The following ACSF2 variants were observed in gnomAD, a reference collection of about 807,000 sequenced individuals.
The protein encoded by ACSF2 is acyl-CoA synthetase family member 2.
ACSF2 carries 52 observed loss-of-function variants against 79.3 expected under a neutral mutation model. The ratio of observed to expected loss-of-function variants is 0.66; its 90% CI spans 0.53 to 0.83. The LOEUF (loss-of-function observed/expected upper bound fraction) is 0.83. Ranked by LOEUF, ACSF2 falls within the 40% of genes least tolerant of loss-of-function variation. ACSF2 has a pLI of 0.00. For missense variants in ACSF2, 661 were observed against 803.3 expected (o/e 0.82, Z 2.14); for synonymous variants, 283 against 312.6 (o/e 0.91, Z 1.00).
At chr17:50,445,144 G>T (rs2031213565) in intron 1 of ACSF2, among the ~76,000 whole-genome samples, 1 of 152,056 alleles carries the variant, frequency 6.6e-6, no homozygotes, top group South Asian at 2.1e-4. Context: ...TGAACTCCTG[G>T]ACTCAGGGAA....
At chr17:50,454,162 G>C (rs1242370915) in intron 1 of ACSF2, among the ~76,000 whole-genome samples, 1 of 144,548 alleles carries the variant, frequency 6.9e-6, no homozygotes, top group Non-Finnish European at 1.5e-5. Flanking sequence ...GAGTAAGACC[G>C]TCCCAAATTT....
chr17:50,458,868 C>A (rs949303035), intron 1 of ACSF2, among the ~76,000 whole-genome samples: 1 of 152,232 alleles, frequency 6.6e-6, no homozygotes, highest in African/African-American at 2.4e-5. Flanking sequence ...GGGATTCCCC[C>A]CACAGTCTGC....
chr17:50,436,434 T>C (rs2030429395), intron 1 of ACSF2, among the ~76,000 whole-genome samples: 1 of 151,138 alleles, frequency 6.6e-6, no homozygotes, highest in South Asian at 2.1e-4. Flanking sequence ...CGGCCTGTTG[T>C]TGTTATTATT....
rs767163859 is a variant in ACSF2 at position 50,471,094 on chromosome 17, CAG to C, written c.1284_1285del (p.Lys429GlyfsTer46). 21 of 1,614,054 alleles carry C rather than the reference CAG, an allele frequency of 1.3e-5. No homozygotes were observed. The highest frequency in any genetic ancestry group is 6.7e-5 in the Admixed American group (4 of 60,016). ...FAHFPEDTVE[Q>X]KAESVGRIMP... ...GCACTTCCCTGAGGACACTGTGGAG[CAG>C]AAGGCAGAAAGCGTGGGCAGAATTA... On this transcript the variant is annotated frameshift_variant, in exon 11 of 16. Transcript: ENST00000300441. LOFTEE classifies it high-confidence loss of function. The surrounding 1 kb of genome is among the most constrained non-coding windows in gnomAD (Gnocchi z 4.1).
At chr17:50,461,750 G>GA in intron 4 of ACSF2, 64 bp downstream of exon 4, 11 of 1,590,772 alleles carry the variant, frequency 6.9e-6, no homozygotes, top group Non-Finnish European at 8.6e-6. Context: ...CACAGACTCT[G>GA]CTTGTCAGAG....
At chr17:50,456,197 C>A (rs2031983312) in intron 1 of ACSF2, among the ~76,000 whole-genome samples, 1 of 152,160 alleles carries the variant, frequency 6.6e-6, no homozygotes, top group Non-Finnish European at 1.5e-5. Context: ...GTGCATTTAA[C>A]TTAGGGGTTG....
intron 12 of ACSF2, 49 bp downstream of exon 12, chr17:50,472,628 G>A (rs2033174496): frequency 6.4e-7 from 1 of 1,552,392 alleles, no homozygotes; most frequent in African/African-American, 1.4e-5. Flanking sequence ...GGGGAGGCTG[G>A]AGGTCTTGAG....
chr17:50,463,574 A>G lies in ACSF2; in HGVS notation c.1046+22A>G. The G allele has an allele frequency of 6.2e-7, 1 of 1,611,094 alleles. No homozygotes were observed. Among genetic ancestry groups the G allele is most frequent in the Non-Finnish European group, 8.5e-7 (1 of 1,178,248 alleles). ...AGAGGTGGGCACTGGTGGACAGGCT[A>G]CTTGTGGGCTGATAAAACCCTCTTC... On this transcript the variant is annotated intron_variant, in intron 8 of 15. Coordinates refer to ENST00000300441, the MANE Select transcript of ACSF2 (RefSeq NM_025149.6). The surrounding 1 kb of genome is among the most constrained non-coding windows in gnomAD (Gnocchi z 4.6).
chr17:50,445,854 C>A (rs564189712), intron 1 of ACSF2, among the ~76,000 whole-genome samples: 2 of 152,028 alleles, frequency 1.3e-5, no homozygotes, highest in East Asian at 3.9e-4. Context: ...CTTGCTGGAG[C>A]CTTGCATTCA....
chr17:50,438,019 G>A (rs2030574832), intron 1 of ACSF2, among the ~76,000 whole-genome samples: 1 of 152,128 alleles, frequency 6.6e-6, no homozygotes, highest in African/African-American at 2.4e-5. Flanking sequence ...ATGTTGTGCT[G>A]AAGCACATTT....
chr17:50,460,315 T>C, intron 1 of ACSF2: 3 of 468,520 alleles, frequency 6.4e-6, no homozygotes, highest in South Asian at 4.6e-5. Context: ...CAGTGACCTG[T>C]TTATTCTCCA....
chr17:50,463,852 G>A lies in ACSF2; in HGVS notation c.1081G>A (p.Val361Met), dbSNP rs757860734. The A allele has an allele frequency of 1.9e-6, 3 of 1,614,098 alleles. No individual in the cohort carries two copies. Among genetic ancestry groups the A allele is most frequent in the East Asian group, 4.5e-5 (2 of 44,878 alleles). ...CCTGTATGGTACCCCCACGATGTTC[G>A]TGGACATTCTGAACCAGCCAGACTT... is the stretch of plus-strand genomic sequence containing the variant. ...TFLYGTPTMF[V>M]DILNQPDFSS... Residue 361 changes from valine to methionine, a missense_variant, in exon 9 of 16, where the codon GTG (valine) becomes ATG (methionine). Coordinates refer to ENST00000300441, the MANE Select transcript of ACSF2 (RefSeq NM_025149.6). This position sits in a 1 kb window ranked among gnomAD's most constrained non-coding sequence, Gnocchi z 4.6.
intron 10 of ACSF2, chr17:50,465,719 C>T (rs757447725): frequency 6.2e-6 from 10 of 1,613,060 alleles, no homozygotes; most frequent in South Asian, 3.3e-5. Context: ...CCGAAGGCCC[C>T]GGAGCTGGCA....
Position 50,462,449 on chromosome 17 carries a change from T to A in ACSF2, c.656T>A (p.Val219Glu), listed in dbSNP as rs2032403697. The change falls in exon 6 of 16, where the codon GTG becomes GAG. Residue 219 changes from valine (V) to glutamate (E), a missense_variant. Coordinates refer to ENST00000300441, the MANE Select transcript of ACSF2 (RefSeq NM_025149.6). The stretch of plus-strand genomic sequence containing the variant: ...CCAGATCTGACCACAGTCATCTCGG[T>A]GGATGCCCCTTTGCCGGGGACCCTG... ...RLPDLTTVISVDAPLPGTLLL... is the reference protein window; with the variant it reads ...RLPDLTTVISEDAPLPGTLLL... 1.2e-6 allele frequency: 2 copies of A among 1,613,446 alleles called. No individual in the cohort carries two copies. Among genetic ancestry groups the A allele is most frequent in the Non-Finnish European group, 8.5e-7 (1 of 1,179,826 alleles).
intron 1 of ACSF2, among the ~76,000 whole-genome samples, chr17:50,447,746 C>T (rs531633434): frequency 1.1e-3 from 173 of 152,182 alleles, no homozygotes; most frequent in Admixed American, 3.9e-3. Flanking sequence ...CTGTTAGAAT[C>T]CAATTATTAA....
chr17:50,470,991 C>G, intron 10 of ACSF2, 37 bp from the exon 11 acceptor site: 5 of 1,497,062 alleles, frequency 3.3e-6, no homozygotes, highest in Non-Finnish European at 4.7e-6. Context: ...TCTGCACGTG[C>G]TGAGCCCTCT....
At chr17:50,468,186 A>G in intron 10 of ACSF2, 1 of 1,614,088 alleles carries the variant, frequency 6.2e-7, no homozygotes, top group Non-Finnish European at 8.5e-7. Flanking sequence ...GCTGAGGGGT[A>G]GCTGGACAGC....
In ACSF2 at chr17:50,471,219, TGA is replaced by T; in HGVS notation, c.1323+90_1323+91del. On this transcript the variant is annotated intron_variant, in intron 11 of 15. Transcript: ENST00000300441. The surrounding 1 kb of genome is among the most constrained non-coding windows in gnomAD (Gnocchi z 4.1). ...CAGCTGGGACATCGGTTGCTTTCAG[TGA>T]GAGAGTCAAATGGCTCACTCAGGAT... 1 of 1,171,518 alleles carries T rather than the reference TGA, an allele frequency of 8.5e-7. No homozygotes were observed. The highest frequency in any genetic ancestry group is 1.8e-5 in the Admixed American group (1 of 55,216). 72.6% of individuals were successfully genotyped at this position (1,171,518 alleles called of 1,614,324 possible). A position where few individuals can be genotyped will look rare whatever the true frequency, so the allele number is the denominator to read the frequency against.
At chr17:50,449,879 C>T (rs1157795243) in intron 1 of ACSF2, among the ~76,000 whole-genome samples, 1 of 152,078 alleles carries the variant, frequency 6.6e-6, no homozygotes, top group African/African-American at 2.4e-5. Flanking sequence ...TTCATCTTTC[C>T]CAACTGAAAT....
Sources: allele counts gnomAD v4.1 joint callset (sites outside exome capture counted in the v4.1 genomes callset), GRCh38; gene constraint gnomAD v4.1.1; non-coding constraint Gnocchi (gnomAD v3.1); transcripts MANE v1.5; gene names NCBI Gene and HGNC (gene_info 2026-07-23, HGNC 2026-07-21).